ANKRD55: variants seen among roughly 807,000 people sequenced by gnomAD.
The protein encoded by ANKRD55 is ankyrin repeat domain-containing protein 55.
Under a neutral mutation model 60.6 loss-of-function variants are expected in ANKRD55, and 41 were observed. The observed-to-expected ratio is 0.68, with a 90% CI of 0.53 to 0.88. The LOEUF (loss-of-function observed/expected upper bound fraction) is 0.88, where lower values mean the gene tolerates loss of function less well. Among genes scored for constraint, ANKRD55 ranks in the 40% least tolerant of loss-of-function variants. The probability of loss-of-function intolerance (pLI) is 0.00; values close to 1 mark genes in which losing one functional copy is unlikely to be tolerated. For missense variants in ANKRD55, 732 were observed against 767.6 expected (o/e 0.95, Z 0.55); for synonymous variants, 264 against 290.3 (o/e 0.91, Z 0.92).
intron 8 of ANKRD55, among the ~76,000 whole-genome samples, chr5:56,126,602 A>AG (rs1757265332): frequency 6.6e-6 from 1 of 151,900 alleles, no homozygotes; most frequent in African/African-American, 2.4e-5. Flanking sequence ...AGAAAAAAAA[A>AG]ACAACCAAAA....
At position 56,100,099 on chromosome 5, in the gene ANKRD55, T is replaced by G. The variant is rs375504034; in HGVS notation, c.*84A>C. ...AGAATGCAGCTTACTAAATTGGTCT[T>G]CGTTCTTACAAACTGGAGTAATCTT... On this transcript the variant is annotated 3_prime_UTR_variant, in exon 12 of 12. Transcript: ENST00000341048. The G allele has an allele frequency of 7.6e-6, 12 of 1,586,894 alleles. No individual in the cohort carries two copies. In the African/African-American group the frequency reaches 8.1e-5, roughly 11 times the overall value.
intron 2 of ANKRD55, among the ~76,000 whole-genome samples, chr5:56,195,684 T>G (rs1190748408): frequency 6.6e-6 from 1 of 152,202 alleles, no homozygotes; most frequent in Non-Finnish European, 1.5e-5. Flanking sequence ...CCTCAGGTGA[T>G]CTACCCATCT....
At chr5:56,166,406 C>T (rs1758486351) in intron 5 of ANKRD55, among the ~76,000 whole-genome samples, 1 of 151,674 alleles carries the variant, frequency 6.6e-6, no homozygotes, top group Non-Finnish European at 1.5e-5. Context: ...TACAGGAGCA[C>T]ACCACTATGC....
At position 56,189,588 on chromosome 5, in the gene ANKRD55, G is replaced by A. The variant is rs552578376; in HGVS notation, c.59-5954C>T. 7.2e-5 allele frequency among the ~76,000 whole-genome samples: 11 copies of A among 152,248 alleles called. 1 individual carries two copies. The South Asian group carries it at 1.2e-3, about 17-fold the overall frequency. ...TGGAATCAATAACCGTTGTCCTTTC[G>A]TGACTGGCTTATTTCACTTAGCATA... On this transcript the variant is annotated intron_variant, in intron 2 of 11. Coordinates refer to ENST00000341048, the MANE Select transcript of ANKRD55 (RefSeq NM_024669.3).
intron 8 of ANKRD55, among the ~76,000 whole-genome samples, chr5:56,121,190 C>CA (rs1757041048): frequency 6.6e-6 from 1 of 152,054 alleles, no homozygotes; most frequent in Non-Finnish European, 1.5e-5. Flanking sequence ...ATTCCAGAAC[C>CA]AAGGCACACA....
intron 11 of ANKRD55, among the ~76,000 whole-genome samples, chr5:56,101,726 G>T (rs570999369): frequency 5.9e-5 from 9 of 151,908 alleles, no homozygotes; most frequent in African/African-American, 1.7e-4. Flanking sequence ...TATATTAGGA[G>T]AATTTTTTTC....
intron 8 of ANKRD55, among the ~76,000 whole-genome samples, chr5:56,120,928 G>T (rs1401631848): frequency 6.6e-6 from 1 of 150,600 alleles, no homozygotes; most frequent in African/African-American, 2.4e-5. Context: ...AAGATGGTGT[G>T]ACAAGAGCAT....
rs773050862 is a variant in ANKRD55 at position 56,170,734 on chromosome 5, G to A, written c.382C>T (p.Arg128Cys). The A allele has an allele frequency of 4.8e-5, 77 of 1,613,960 alleles. No homozygotes were observed. Among genetic ancestry groups the A allele is most frequent in the African/African-American group, 1.1e-4 (8 of 74,884 alleles). The change falls in exon 5 of 12, where the codon CGC becomes TGC. Residue 128 changes from arginine (R) to cysteine (C), a missense_variant. By Grantham distance (180) the Arg-to-Cys change is radical. Around this residue, in one of 3 missense-constraint regions of ANKRD55, gnomAD observed 597 missense variants for 607.5 expected, o/e 0.98. Coordinates refer to ENST00000341048, the MANE Select transcript of ANKRD55 (RefSeq NM_024669.3). ...GCAGTGGCAGCATGCAGTGGCAGGC[G>A]GCCATTTTTATCTGGGATATTGTGC... ...AKHNIPDKNG[R>C]LPLHAATAEP...
chr5:56,110,038 G>A (rs1385459616), intron 10 of ANKRD55, among the ~76,000 whole-genome samples: 2 of 142,936 alleles, frequency 1.4e-5, no homozygotes, highest in South Asian at 2.2e-4. Flanking sequence ...GCGACAGAGC[G>A]AGACTCCGTC....
rs1756316115 is a variant in ANKRD55, at chr5:56,102,512, G to A, written c.1705C>T (p.Pro569Ser). 2 of 1,613,336 alleles carry A rather than the reference G, an allele frequency of 1.2e-6. No homozygotes were observed. The highest frequency in any genetic ancestry group is 4.5e-5 in the East Asian group (2 of 44,834). ...TACTTACATTTTTGATCTGGTAGGG[G>A]AGCTAGGTTGTTCCGAGTGAAAGGA... ...DLPFTRNNLA[P>S]LPDQKFLSGE... Residue 569 changes from proline (P) to serine (S), a missense_variant, in exon 11 of 12, where the codon CCC (proline) becomes TCC (serine). Transcript: ENST00000341048.
intron 5 of ANKRD55, among the ~76,000 whole-genome samples, chr5:56,166,161 C>CTTTCTTTCTTTCTTTCTTTCTTT (rs1208005252): frequency 2.5e-4 from 6 of 23,626 alleles, no homozygotes; most frequent in African/African-American, 6.5e-4. Context: ...TTTCTTCTTT[C>CTTTCTTTCTTTCTTTCTTTCTTT]CTTCCTTCCT....
intron 7 of ANKRD55, chr5:56,127,750 T>C (rs567288562): frequency 1.1e-5 from 2 of 186,626 alleles, no homozygotes; most frequent in South Asian, 1.8e-4. Context: ...ACATTATGCC[T>C]TAAGCACAGG....
chr5:56,207,576 G>T (rs1759544708), intron 2 of ANKRD55, among the ~76,000 whole-genome samples: 1 of 152,120 alleles, frequency 6.6e-6, no homozygotes, highest in South Asian at 2.1e-4. Flanking sequence ...TTACTCCTAG[G>T]CTGCCATCCT....
intron 10 of ANKRD55, among the ~76,000 whole-genome samples, chr5:56,109,038 AAC>A (rs60023559): frequency 0.025 from 3,554 of 143,860 alleles, 55 homozygotes; most frequent in East Asian, 0.076. Context: ...TCTGTCTCAA[AAC>A]ACACACACAC....
At chr5:56,162,709 A>C (rs1295872441) in intron 5 of ANKRD55, among the ~76,000 whole-genome samples, 1 of 148,162 alleles carries the variant, frequency 6.7e-6, no homozygotes, top group Non-Finnish European at 1.5e-5. Context: ...TCACTCTGTC[A>C]CCCAGGCTGG....
chr5:56,151,868 C>A (rs1456591532), intron 6 of ANKRD55, among the ~76,000 whole-genome samples: 1 of 145,618 alleles, frequency 6.9e-6, no homozygotes. Context: ...TGTATATATA[C>A]GTGTGTATAT....
At chr5:56,191,763 C>G (rs2111843797) in intron 2 of ANKRD55, among the ~76,000 whole-genome samples, 1 of 152,274 alleles carries the variant, frequency 6.6e-6, no homozygotes, top group African/African-American at 2.4e-5. Flanking sequence ...ATAGCATGTA[C>G]TTCAGAATTC....
intron 5 of ANKRD55, 78 bp downstream of exon 5, chr5:56,170,616 A>AGAG: frequency 1.7e-6 from 2 of 1,160,518 alleles, no homozygotes; most frequent in Non-Finnish European, 2.5e-6. Flanking sequence ...TATCAGCCAC[A>AGAG]GAGGGATGGA....
In ANKRD55 at chr5:56,214,470, T is replaced by C. The variant is rs79669462; in HGVS notation, c.58+18386A>G. On this transcript the variant is annotated intron_variant, in intron 2 of 11. Coordinates refer to ENST00000341048, the MANE Select transcript of ANKRD55 (RefSeq NM_024669.3). The stretch of plus-strand genomic sequence containing the variant: ...ATGGTTGTAATCATCTTTACAACGA[T>C]CCTATAACCCACACCAACAGTTTCA... 2.4e-3 allele frequency among the ~76,000 whole-genome samples: 372 copies of C among 152,362 alleles called. 4 individuals carry two copies. The highest frequency in any genetic ancestry group is 8.5e-3 in the African/African-American group (354 of 41,588).
Sources: gnomAD v4.1 joint callset for allele counts (sites outside exome capture counted in the v4.1 genomes callset) on GRCh38, gnomAD v4.1.1 for gene constraint, gnomAD v4.1.1 regional missense constraint, MANE v1.5 for transcripts, NCBI Gene and HGNC (gene_info 2026-07-23, HGNC 2026-07-21) for gene names.